Variants in FRMPD2 observed in about 807,000 individuals in gnomAD.
FRMPD2 encodes FERM and PDZ domain containing 2.
Under a neutral mutation model 140.1 loss-of-function variants are expected in FRMPD2, and 96 were observed. The ratio of observed to expected loss-of-function variants is 0.69; its 90% CI spans 0.58 to 0.81. The LOEUF (loss-of-function observed/expected upper bound fraction) is 0.81, where lower values mean the gene tolerates loss of function less well. Ranked by LOEUF, FRMPD2 falls within the 40% of genes least tolerant of loss-of-function variation. The pLI, the probability that FRMPD2 is intolerant of heterozygous loss-of-function variation, is 0.00. For missense variants in FRMPD2, 1,240 were observed against 1,447.4 expected (o/e 0.86, Z 2.32); for synonymous variants, 449 against 547.6 (o/e 0.82, Z 2.52).
intron 7 of FRMPD2, 107 bp downstream of exon 7, chr10:48,239,498 G>C: frequency 2.8e-6 from 2 of 713,646 alleles, no homozygotes; most frequent in Non-Finnish European, 2.3e-6. Context: ...ATTTTCTGGA[G>C]GAGCAAGAGG....
intron 16 of FRMPD2, 132 bp from the exon 17 acceptor site, chr10:48,187,424 G>T (rs1281826209): frequency 1.5e-6 from 1 of 675,724 alleles, no homozygotes; most frequent in Non-Finnish European, 2.6e-6. Flanking sequence ...GGGCAGCCTT[G>T]TGTCCAGTCA....
intron 1 of FRMPD2, among the ~76,000 whole-genome samples, chr10:48,256,793 G>A (rs1840498847): frequency 6.6e-6 from 1 of 152,160 alleles, no homozygotes; most frequent in African/African-American, 2.4e-5. Context: ...AACACTCCTT[G>A]TTTCTCCAAA....
intron 14 of FRMPD2, among the ~76,000 whole-genome samples, chr10:48,202,167 A>C (rs544762809): frequency 1.6e-4 from 25 of 152,318 alleles, no homozygotes; most frequent in African/African-American, 5.5e-4. Flanking sequence ...TAAAATATAT[A>C]GGTGATATTA....
intron 17 of FRMPD2, 108 bp downstream of exon 17, chr10:48,187,084 T>G: frequency 4.4e-6 from 3 of 683,084 alleles, no homozygotes; most frequent in South Asian, 4.0e-5. Context: ...AACAAGAAGG[T>G]TACAAACATT....
intron 1 of FRMPD2, among the ~76,000 whole-genome samples, chr10:48,257,732 C>T (rs399419): frequency 0.2 from 31,159 of 152,092 alleles, 7,911 homozygotes; most frequent in African/African-American, 0.6. Flanking sequence ...CATACTTACC[C>T]CTCTGAGCCT....
At chr10:48,170,583 A>AT (rs1838215634) in intron 26 of FRMPD2, among the ~76,000 whole-genome samples, 2 of 150,304 alleles carry the variant, frequency 1.3e-5, no homozygotes, top group South Asian at 4.3e-4. Context: ...CTTAAATTGC[A>AT]TTTTTTATCA....
At chr10:48,222,556 C>A in intron 11 of FRMPD2, 105 bp from the exon 12 acceptor site, 2 of 1,163,508 alleles carry the variant, frequency 1.7e-6, no homozygotes, top group South Asian at 2.9e-5. Context: ...GTAGGGAAGA[C>A]GAGATGCAAC....
intron 15 of FRMPD2, among the ~76,000 whole-genome samples, chr10:48,194,989 G>A (rs548351608): frequency 6.6e-6 from 1 of 152,336 alleles, no homozygotes; most frequent in East Asian, 1.9e-4. Flanking sequence ...CCTGCTGTGG[G>A]TGACTCATAG....
At chr10:48,272,653 G>T (rs951392806) in intron 1 of FRMPD2, among the ~76,000 whole-genome samples, 2 of 152,188 alleles carry the variant, frequency 1.3e-5, no homozygotes, top group African/African-American at 2.4e-5. Context: ...ATTAGGGCTT[G>T]GTTTGCTGTT....
chr10:48,184,289 T>C (rs1201178651), intron 20 of FRMPD2, among the ~76,000 whole-genome samples: 1 of 151,912 alleles, frequency 6.6e-6, no homozygotes, highest in Non-Finnish European at 1.5e-5. Flanking sequence ...CAAGGAGAGT[T>C]GACAGAAAAA....
intron 27 of FRMPD2, among the ~76,000 whole-genome samples, chr10:48,168,133 T>C (rs1838148387): frequency 1.4e-5 from 2 of 145,794 alleles, no homozygotes; most frequent in East Asian, 3.9e-4. Flanking sequence ...AATATATGTG[T>C]CAAGGTAAAA....
chr10:48,232,926 C>T (rs1002725267), intron 9 of FRMPD2, among the ~76,000 whole-genome samples: 4 of 152,150 alleles, frequency 2.6e-5, no homozygotes, highest in African/African-American at 4.8e-5. Flanking sequence ...AGTTCATCAC[C>T]AGGCAGCCAC....
chr10:48,266,136 G>T (rs1315383726), intron 1 of FRMPD2, among the ~76,000 whole-genome samples: 1 of 152,162 alleles, frequency 6.6e-6, no homozygotes, highest in African/African-American at 2.4e-5. Flanking sequence ...AATACTGCAT[G>T]TTCTCACTTA....
intron 28 of FRMPD2, chr10:48,159,053 A>G (rs538714473): frequency 2.6e-6 from 1 of 386,308 alleles, no homozygotes; most frequent in Admixed American, 3.6e-5. Flanking sequence ...AGGTATTATA[A>G]TTGTCCTATT....
chr10:48,222,283 C>A, intron 12 of FRMPD2, 30 bp downstream of exon 12: 1 of 1,604,508 alleles, frequency 6.2e-7, no homozygotes. Flanking sequence ...CCAGTGACCC[C>A]ACACAAAGGC....
In FRMPD2 at chr10:48,222,427, A is replaced by T. The variant is rs760949062; in HGVS notation, c.1341T>A (p.Phe447Leu). ...LLQHSLTRHQ[F>L]YLQLRKDILE... ...GGATATCTTTCCGAAGCTGCAGGTAAAACTGGTGCCTTGTCAGGCTGTGCC... is the reference window on the plus strand; with the variant it reads ...GGATATCTTTCCGAAGCTGCAGGTATAACTGGTGCCTTGTCAGGCTGTGCC... The change falls in exon 12 of 29, where the codon TTT (phenylalanine) becomes TTA (leucine). Residue 447 changes from phenylalanine to leucine, a missense_variant. Phe to Leu is a conservative substitution (Grantham distance 22). Around this residue, in one of 6 missense-constraint regions of FRMPD2, gnomAD observed 1,161 missense variants for 1,055.9 expected, o/e 1.10. Coordinates refer to ENST00000374201, the MANE Select transcript of FRMPD2 (RefSeq NM_001018071.4). 2 of 1,614,140 alleles carry T rather than the reference A, an allele frequency of 1.2e-6. No homozygotes were observed. The highest frequency in any genetic ancestry group is 1.7e-4 in the Middle Eastern group (1 of 6,060).
intron 3 of FRMPD2, 107 bp downstream of exon 3, chr10:48,248,912 TGA>T: frequency 1.0e-6 from 1 of 971,852 alleles, no homozygotes; most frequent in Non-Finnish European, 1.5e-6. Context: ...GGCTTGGTGT[TGA>T]GAACCAAGCT....
intron 17 of FRMPD2, 114 bp from the exon 18 acceptor site, chr10:48,185,759 C>T (rs760561267): frequency 1.3e-6 from 1 of 766,378 alleles, no homozygotes; most frequent in Non-Finnish European, 2.3e-6. Context: ...TTCACACGCA[C>T]ACAATCCTGA....
At chr10:48,185,502 C>G in intron 18 of FRMPD2, 51 bp downstream of exon 18, 1 of 1,278,810 alleles carries the variant, frequency 7.8e-7, no homozygotes, top group Non-Finnish European at 1.1e-6. Context: ...CCCACCTCCC[C>G]ACTTTGCCCA....
Sources: allele counts gnomAD v4.1 joint callset (sites outside exome capture counted in the v4.1 genomes callset), GRCh38; gene constraint gnomAD v4.1.1; regional missense constraint gnomAD v4.1.1; transcripts MANE v1.5; gene names NCBI Gene and HGNC (gene_info 2026-07-23, HGNC 2026-07-21).